CCDC93: variants seen among roughly 807,000 people sequenced by gnomAD.
The protein encoded by CCDC93 is CCC complex scaffolding subunit CCDC93.
Under a neutral mutation model 108.2 loss-of-function variants are expected in CCDC93, and 61 were observed. That is an observed-to-expected ratio of 0.56 (90% CI 0.46 to 0.70). CCDC93 has a LOEUF of 0.70. CCDC93 is among the 30% of genes least tolerant of loss of function. The pLI is 0.00. For synonymous variants in CCDC93, 276 were observed against 260.4 expected (o/e 1.06, Z -0.58); for missense variants, 685 against 764.2 (o/e 0.90, Z 1.22).
chr2:117,950,168 T>C (rs1162690441), intron 13 of CCDC93: 1 of 985,366 alleles, frequency 1.0e-6, no homozygotes, highest in Non-Finnish European at 1.2e-6. Context: ...ATAAAATGCA[T>C]GGATCCACAG....
intron 22 of CCDC93, 123 bp downstream of exon 22, chr2:117,935,372 A>G (rs1678488537): frequency 5.8e-6 from 4 of 694,574 alleles, no homozygotes; most frequent in South Asian, 5.4e-5. Flanking sequence ...ACCTCTGTAG[A>G]AATGTGTCTT....
chr2:117,951,284 A>G (rs1558779013), intron 13 of CCDC93: 1 of 985,300 alleles, frequency 1.0e-6, no homozygotes, highest in Non-Finnish European at 1.2e-6. Context: ...CCAGTCACAG[A>G]GCAATGTAAA....
At position 117,935,582 on chromosome 2, in the gene CCDC93, G is replaced by T. The variant is rs1366394972; in HGVS notation, c.1644-3C>A. On this transcript the variant is annotated splice_polypyrimidine_tract_variant and splice_region_variant and intron_variant, in intron 21 of 23. Coordinates refer to ENST00000376300, the MANE Select transcript of CCDC93 (RefSeq NM_019044.5). ...GGGCAGCAGGGGAGGCCATGGCCCT[G>T]AAAGAAAAACCAGTAGAGTTATGAC... is the stretch of plus-strand genomic sequence containing the variant. 4 of 1,611,346 alleles carry T rather than the reference G, an allele frequency of 2.5e-6. No individual in the cohort carries two copies. In the African/African-American group the frequency reaches 5.3e-5, roughly 22 times the overall value.
chr2:117,925,774 G>A (rs1558766350), intron 23 of CCDC93, among the ~76,000 whole-genome samples: 1 of 152,188 alleles, frequency 6.6e-6, no homozygotes, highest in African/African-American at 2.4e-5. Context: ...AGACCTAATA[G>A]ACATCTACAG....
chr2:117,950,291 T>G, intron 13 of CCDC93: 1 of 985,176 alleles, frequency 1.0e-6, no homozygotes, highest in African/African-American at 1.7e-5. Flanking sequence ...AAGTCAATTC[T>G]GATCTTAATA....
intron 11 of CCDC93, among the ~76,000 whole-genome samples, chr2:117,965,334 A>C (rs772342620): frequency 1.4e-4 from 21 of 152,248 alleles, no homozygotes; most frequent in South Asian, 4.1e-4. Context: ...ACTCACATCT[A>C]AGCTTATTAG....
At chr2:117,943,770 A>AAT (rs1272858110) in intron 18 of CCDC93, among the ~76,000 whole-genome samples, 1 of 152,248 alleles carries the variant, frequency 6.6e-6, no homozygotes, top group African/African-American at 2.4e-5. Flanking sequence ...AATGGGATGT[A>AAT]ATATCCACTC....
intron 11 of CCDC93, among the ~76,000 whole-genome samples, chr2:117,973,118 A>T (rs1679817608): frequency 6.6e-6 from 1 of 152,186 alleles, no homozygotes; most frequent in Non-Finnish European, 1.5e-5. Flanking sequence ...TACTGGGGAC[A>T]ATTTTTCCCT....
intron 2 of CCDC93, 100 bp downstream of exon 2, chr2:118,008,445 G>T: frequency 2.8e-6 from 2 of 715,552 alleles, no homozygotes; most frequent in Non-Finnish European, 4.9e-6. Flanking sequence ...ACACAGACAT[G>T]GAAGAAGTTA....
At chr2:117,956,693 T>C (rs1460302658) in intron 12 of CCDC93, among the ~76,000 whole-genome samples, 3 of 152,166 alleles carry the variant, frequency 2.0e-5, no homozygotes, top group Admixed American at 1.3e-4. Context: ...AACCAAATCA[T>C]AGGCTATCTT....
At chr2:117,938,911 T>C (rs763407259) in intron 20 of CCDC93, 118 bp downstream of exon 20, 1 of 594,572 alleles carries the variant, frequency 1.7e-6, no homozygotes, top group East Asian at 2.9e-5. Context: ...GCATATAAAA[T>C]AGGCACTCTT....
intron 7 of CCDC93, among the ~76,000 whole-genome samples, chr2:117,978,539 G>GT (rs948454575): frequency 6.6e-6 from 1 of 151,792 alleles, no homozygotes; most frequent in Non-Finnish European, 1.5e-5. Flanking sequence ...ACACAATTCA[G>GT]TTTCAAGTAG....
intron 11 of CCDC93, among the ~76,000 whole-genome samples, chr2:117,961,138 A>G (rs1378733328): frequency 6.6e-6 from 1 of 152,114 alleles, no homozygotes; most frequent in East Asian, 1.9e-4. Flanking sequence ...CTGGCCAGCC[A>G]TCGTTTATGT....
chr2:117,958,885 T>TA (rs1190763828), intron 11 of CCDC93, among the ~76,000 whole-genome samples: 1 of 152,184 alleles, frequency 6.6e-6, no homozygotes, highest in Non-Finnish European at 1.5e-5. Context: ...AGCAAATGGT[T>TA]AAAAAAGTCT....
At chr2:117,920,779 A>G (rs985172100) in intron 23 of CCDC93, among the ~76,000 whole-genome samples, 1 of 152,192 alleles carries the variant, frequency 6.6e-6, no homozygotes, top group African/African-American at 2.4e-5. Context: ...AAAAGAGATA[A>G]AAGGGAGCCC....
At chr2:117,991,720 G>A (rs1269312923) in intron 6 of CCDC93, among the ~76,000 whole-genome samples, 1 of 152,222 alleles carries the variant, frequency 6.6e-6, no homozygotes, top group East Asian at 1.9e-4. Context: ...TTTATAAAAC[G>A]CTGGGTCTAA....
chr2:118,006,883 T>C, intron 2 of CCDC93, 67 bp from the exon 3 acceptor site: 2 of 931,876 alleles, frequency 2.1e-6, no homozygotes, highest in South Asian at 2.7e-5. Context: ...AAGTGGAAGG[T>C]AGATGGATTA....
intron 11 of CCDC93, among the ~76,000 whole-genome samples, chr2:117,967,751 T>G (rs1679634555): frequency 6.6e-6 from 1 of 152,188 alleles, no homozygotes. Context: ...TATCACGTAC[T>G]CATTTATAGA....
chr2:117,938,786 C>T (rs1454008494), intron 20 of CCDC93, among the ~76,000 whole-genome samples: 1 of 152,200 alleles, frequency 6.6e-6, no homozygotes, highest in Admixed American at 6.5e-5. Context: ...TTCCTTTTAA[C>T]AATGGCATTT....
Sources: allele counts gnomAD v4.1 joint callset (sites outside exome capture counted in the v4.1 genomes callset), GRCh38; gene constraint gnomAD v4.1.1; transcripts MANE v1.5; gene names NCBI Gene and HGNC (gene_info 2026-07-23, HGNC 2026-07-21).